Variants in DNAJC13 observed in about 807,000 individuals in gnomAD.
DNAJC13 encodes the protein dnaJ homolog subfamily C member 13.
A neutral mutation model predicts 290.5 loss-of-function variants in DNAJC13; 75 were observed. The ratio of observed to expected loss-of-function variants is 0.26; its 90% confidence interval spans 0.21 to 0.31. DNAJC13 has a LOEUF of 0.31. Among genes scored for constraint, DNAJC13 ranks in the 10% least tolerant of loss-of-function variants. The probability of loss-of-function intolerance (pLI) is 1.00; values close to 1 mark genes in which losing one functional copy is unlikely to be tolerated. For missense variants in DNAJC13, 2,260 were observed against 2,674.5 expected (o/e 0.85, Z 3.42); for synonymous variants, 862 against 892.0 (o/e 0.97, Z 0.60).
chr3:132,511,077 C>T lies in DNAJC13; in HGVS notation c.5126C>T (p.Ala1709Val), dbSNP rs2107731689. 3 of 1,613,592 alleles carry T rather than the reference C, an allele frequency of 1.9e-6. No individual in the cohort carries two copies. Among genetic ancestry groups the T allele is most frequent in the Non-Finnish European group, 2.5e-6 (3 of 1,179,678 alleles). ...VPTFQLEVPK[A>V]FAASLLDYIG... ...GTCTGCATTGATTAGGTTCCAAAAGCATTTGCTGCAAGTCTCTTGGATTAT... is the reference window on the plus strand; with the variant it reads ...GTCTGCATTGATTAGGTTCCAAAAGTATTTGCTGCAAGTCTCTTGGATTAT... The change falls in exon 44 of 56, where the codon GCA becomes GTA. Residue 1709 changes from alanine (A) to valine (V), a missense_variant. This residue lies in a region of DNAJC13 where 1,494 missense variants were observed against 1,693.7 expected (regional missense o/e 0.88). Transcript: ENST00000260818.
chr3:132,471,673 CT>C (rs1934267293), intron 20 of DNAJC13, among the ~76,000 whole-genome samples: 1 of 124,746 alleles, frequency 8.0e-6, no homozygotes, highest in African/African-American at 3.1e-5. Context: ...ACGCTCCTCA[CT>C]TCCTAGATGT....
Position 132,503,223 on chromosome 3 carries a change from A to G in DNAJC13, c.4726A>G (p.Asn1576Asp). ...ATTTTTTTTATAACAGGAGGTAGCA[A>G]ACAGCCTTGCCAAACTGAGTGTCCA... Reference protein sequence around the residue: ...SEETNQQEVANSLAKLSVHAL... With the variant: ...SEETNQQEVADSLAKLSVHAL... The change falls in exon 41 of 56, where the codon AAC becomes GAC. Residue 1576 changes from asparagine (N) to aspartate (D), a missense_variant. Around this residue, in one of 3 missense-constraint regions of DNAJC13, gnomAD observed 1,494 missense variants for 1,693.7 expected, o/e 0.88. Transcript: ENST00000260818. 1 of 1,613,678 alleles carries G rather than the reference A, an allele frequency of 6.2e-7. No individual in the cohort carries two copies. The highest frequency in any genetic ancestry group is 8.5e-7 in the Non-Finnish European group (1 of 1,179,762).
Position 132,457,324 on chromosome 3 carries a change from G to A in DNAJC13, c.1405G>A (p.Gly469Arg), listed in dbSNP as rs1351947998. ...AAAAGCACTCAAAAGAAGCAACAAC[G>A]GAATAATCCATGCAGCAGTTGATAT... is the stretch of plus-strand genomic sequence containing the variant. Reference protein sequence around the residue: ...VVKALKRSNNGIIHAAVDMLC... With the variant: ...VVKALKRSNNRIIHAAVDMLC... The change falls in exon 13 of 56, where the codon GGA becomes AGA. Residue 469 changes from glycine to arginine, a missense_variant. This residue lies in a region of DNAJC13 where 762 missense variants were observed against 964.1 expected (regional missense o/e 0.79). Transcript: ENST00000260818. The A allele has an allele frequency of 1.1e-5, 18 of 1,613,526 alleles. No homozygotes were observed. Among genetic ancestry groups the A allele is most frequent in the Middle Eastern group, 1.7e-4 (1 of 6,058 alleles).
intron 1 of DNAJC13, among the ~76,000 whole-genome samples, chr3:132,427,667 G>A (rs541152207): frequency 6.6e-6 from 1 of 152,044 alleles, no homozygotes; most frequent in African/African-American, 2.4e-5. Flanking sequence ...CATACTAGAG[G>A]GATTGAAATT....
chr3:132,526,468 A>T (rs1936259996), intron 53 of DNAJC13, among the ~76,000 whole-genome samples, 187 bp downstream of exon 53: 1 of 152,218 alleles, frequency 6.6e-6, no homozygotes, highest in African/African-American at 2.4e-5. Context: ...ATACGTGTGT[A>T]TATGTGTATG....
At position 132,490,924 on chromosome 3, in the gene DNAJC13, AGT is replaced by A; in HGVS notation, c.3497_3498del (p.Ser1166AsnfsTer8). On this transcript the variant is annotated frameshift_variant, in exon 32 of 56. Transcript: ENST00000260818. LOFTEE classifies it high-confidence loss of function. ...ETKGQDIFQR[S>X]ILGHILPEAM... is the part of the protein sequence containing the mutation. ...AAAAGGACAAGATATTTTTCAGAGAAGTATACTTGGGCACATTCTACCTGAAG... is the reference window on the plus strand; with the variant it reads ...AAAAGGACAAGATATTTTTCAGAGAAATACTTGGGCACATTCTACCTGAAG... 1 of 1,603,100 alleles carries A rather than the reference AGT, an allele frequency of 6.2e-7. No homozygotes were observed. The highest frequency in any genetic ancestry group is 2.2e-5 in the East Asian group (1 of 44,756).
chr3:132,500,661 C>G (rs1458146882), intron 38 of DNAJC13, 133 bp from the exon 39 acceptor site: 6 of 1,214,820 alleles, frequency 4.9e-6, no homozygotes, highest in Non-Finnish European at 5.7e-6. Context: ...TAAAGACATT[C>G]TGTTTAATTT....
At chr3:132,471,444 T>C (rs1190987174) in intron 20 of DNAJC13, among the ~76,000 whole-genome samples, 27 of 132,936 alleles carry the variant, frequency 2.0e-4, no homozygotes, top group African/African-American at 3.1e-4. Flanking sequence ...TCCTCACTTC[T>C]CAGACGGGGC....
At chr3:132,508,460 G>A (rs1935663681) in intron 43 of DNAJC13, among the ~76,000 whole-genome samples, 1 of 152,184 alleles carries the variant, frequency 6.6e-6, no homozygotes. Flanking sequence ...TGACTGTCTT[G>A]GTAGAGGCTT....
At chr3:132,497,134 A>G (rs887842142) in intron 36 of DNAJC13, among the ~76,000 whole-genome samples, 3 of 152,210 alleles carry the variant, frequency 2.0e-5, no homozygotes, top group African/African-American at 4.8e-5. Flanking sequence ...CATACGTTCT[A>G]TTTCCTATTG....
chr3:132,482,381 C>A, intron 27 of DNAJC13, 51 bp downstream of exon 27: 1 of 1,436,324 alleles, frequency 7.0e-7, no homozygotes, highest in Non-Finnish European at 9.7e-7. Context: ...TTCTTATGCC[C>A]TCCTGCTTAG....
At chr3:132,488,834 T>C in intron 30 of DNAJC13, 142 bp from the exon 31 acceptor site, 1 of 642,288 alleles carries the variant, frequency 1.6e-6, no homozygotes, top group Non-Finnish European at 2.7e-6. Context: ...ATTCAGAAAT[T>C]AAATAATTTG....
At chr3:132,533,383 TG>T (rs1384171877) in intron 55 of DNAJC13, among the ~76,000 whole-genome samples, 1 of 143,602 alleles carries the variant, frequency 7.0e-6, no homozygotes, top group East Asian at 2.1e-4. Context: ...TTGCCCAGGC[TG>T]GAGTACTACA....
Position 132,522,875 on chromosome 3 carries a change from T to C in DNAJC13, c.5721T>C (p.Ala1907=), listed in dbSNP as rs1487905487. The C allele has an allele frequency of 6.2e-7, 1 of 1,612,910 alleles. No individual in the cohort carries two copies. The highest frequency in any genetic ancestry group is 8.5e-7 in the Non-Finnish European group (1 of 1,179,634). The stretch of plus-strand genomic sequence containing the variant: ...TTCTACCAAGCGTTTTCATGGATGC[T>C]ATGAGAGACAATCCTGAAGCTGCTG... ...MKFLPSVFMD[A]MRDNPEAAVH... Residue 1907 remains alanine (A), a synonymous_variant, in exon 49 of 56, where the codon GCT becomes GCC. Coordinates refer to ENST00000260818, the MANE Select transcript of DNAJC13 (RefSeq NM_015268.4).
intron 12 of DNAJC13, among the ~76,000 whole-genome samples, chr3:132,457,059 T>A (rs953509978): frequency 6.6e-6 from 1 of 152,088 alleles, no homozygotes; most frequent in Non-Finnish European, 1.5e-5. Context: ...GAATGGGAAA[T>A]TACATGCCTT....
intron 39 of DNAJC13, among the ~76,000 whole-genome samples, chr3:132,501,734 A>T (rs368312535): frequency 6.6e-6 from 1 of 152,288 alleles, no homozygotes; most frequent in African/African-American, 2.4e-5. Flanking sequence ...GATGACTGGG[A>T]GGGAGAGAGA....
intron 1 of DNAJC13, among the ~76,000 whole-genome samples, chr3:132,429,399 AT>A (rs1939185794): frequency 6.6e-6 from 1 of 152,112 alleles, no homozygotes; most frequent in Non-Finnish European, 1.5e-5. Context: ...GTCTGGCCCA[AT>A]CGCTTACCAG....
In DNAJC13 at chr3:132,511,238, A is replaced by C; in HGVS notation, c.5287A>C (p.Asn1763His). 6.2e-7 allele frequency: 1 copy of C among 1,613,860 alleles called. No individual in the cohort carries two copies. ...LEALRNVIKY[N>H]PGSESECIGH... The stretch of plus-strand genomic sequence containing the variant: ...GGCTCTGAGAAATGTCATAAAATAC[A>C]ATCCAGGTATGTGACTACACCTTTG... Residue 1763 changes from asparagine to histidine, a missense_variant, in exon 44 of 56, where the codon AAT (asparagine) becomes CAT (histidine). Asn to His is a moderately conservative substitution (Grantham distance 68). Transcript: ENST00000260818.
At chr3:132,430,891 C>T (rs568202089) in intron 1 of DNAJC13, among the ~76,000 whole-genome samples, 1 of 152,288 alleles carries the variant, frequency 6.6e-6, no homozygotes, top group South Asian at 2.1e-4. Flanking sequence ...AACAGACAAA[C>T]AAAACACCAT....
Sources: gnomAD v4.1 joint callset for allele counts (sites outside exome capture counted in the v4.1 genomes callset) on GRCh38, gnomAD v4.1.1 for gene constraint, gnomAD v4.1.1 regional missense constraint, MANE v1.5 for transcripts, NCBI Gene and HGNC (gene_info 2026-07-23, HGNC 2026-07-21) for gene names.